Variants in PIK3C2G observed in about 807,000 individuals in gnomAD.
PIK3C2G encodes the protein phosphatidylinositol-4-phosphate 3-kinase catalytic subunit type 2 gamma.
Under a neutral mutation model 181.1 loss-of-function variants are expected in PIK3C2G, and 168 were observed. That is an observed-to-expected ratio of 0.93 (90% confidence interval 0.82 to 1.05). PIK3C2G has a LOEUF of 1.05. PIK3C2G is among the 50% of genes least tolerant of loss of function. The pLI is 0.00. For synonymous variants in PIK3C2G, 573 were observed against 592.2 expected (o/e 0.97, Z 0.47); for missense variants, 1,869 against 1,732.8 (o/e 1.08, Z -1.40).
chr12:18,260,621 AC>A (rs1326159487), upstream of PIK3C2G, among the ~76,000 whole-genome samples: 1 of 152,074 alleles, frequency 6.6e-6, no homozygotes, highest in Non-Finnish European at 1.5e-5. Context: ...TCTCTTCTCT[AC>A]CCTTCCATGT....
chr12:18,257,691 A>G (rs566565837), upstream of PIK3C2G, among the ~76,000 whole-genome samples: 2 of 151,228 alleles, frequency 1.3e-5, no homozygotes, highest in African/African-American at 4.9e-5. Flanking sequence ...AAAGAAGAAA[A>G]AAGAAAGAAG....
chr12:18,562,698 T>G lies in PIK3C2G; in HGVS notation c.3591-5T>G, dbSNP rs1225623186. 1 of 1,541,720 alleles carries G rather than the reference T, an allele frequency of 6.5e-7. No homozygotes were observed. Among genetic ancestry groups the G allele is most frequent in the East Asian group, 2.3e-5 (1 of 43,802 alleles). ...CTCACTATCTTTTCTTTTACATTTC[T>G]CTAGGAAAATAAAGGAAAGTCTGGA... On this transcript the variant is annotated splice_region_variant and splice_polypyrimidine_tract_variant and intron_variant, in intron 26 of 32. Coordinates refer to ENST00000538779, the MANE Select transcript of PIK3C2G (RefSeq NM_001288772.2).
chr12:18,434,990 GT>G (rs568859815), intron 18 of PIK3C2G, among the ~76,000 whole-genome samples: 6,706 of 143,918 alleles, frequency 0.047, 412 homozygotes, highest in African/African-American at 0.14. Flanking sequence ...TTGTAACCAG[GT>G]TTTTTTTTTT....
Position 18,648,276 on chromosome 12 carries a change from G to A in PIK3C2G, c.*248G>A, listed in dbSNP as rs1429482375. The A allele has an allele frequency of 1.2e-5, 3 of 260,830 alleles. No homozygotes were observed. Among genetic ancestry groups the A allele is most frequent in the Non-Finnish European group, 2.2e-5 (3 of 137,910 alleles). 16.2% of individuals were successfully genotyped at this position (260,830 alleles called of 1,614,324 possible). ...AAATTTGATGTGTAAAATAATAAAA[G>A]ACCTTTATTAAATCATTTTAATATA... On this transcript the variant is annotated 3_prime_UTR_variant, in exon 33 of 33. Transcript: ENST00000538779.
At chr12:18,336,541 T>G (rs1938554754) in intron 8 of PIK3C2G, among the ~76,000 whole-genome samples, 1 of 152,156 alleles carries the variant, frequency 6.6e-6, no homozygotes, top group South Asian at 2.1e-4. Context: ...ATGGAGAGCA[T>G]GTGTCTTTTG....
intron 13 of PIK3C2G, among the ~76,000 whole-genome samples, chr12:18,379,052 G>C (rs1344287349): frequency 1.3e-5 from 2 of 152,080 alleles, no homozygotes; most frequent in Non-Finnish European, 1.5e-5. Flanking sequence ...ATACTATAAA[G>C]ACACATGCAC....
At chr12:18,344,221 T>C (rs746706933) in intron 10 of PIK3C2G, among the ~76,000 whole-genome samples, 1 of 152,026 alleles carries the variant, frequency 6.6e-6, no homozygotes, top group African/African-American at 2.4e-5. Context: ...TTCAGAACAA[T>C]CCATTGGAAA....
chr12:18,261,395 T>C (rs951330504), upstream of PIK3C2G: 5 of 152,078 alleles, frequency 3.3e-5, no homozygotes, highest in African/African-American at 1.2e-4. Flanking sequence ...TTTTTCCATA[T>C]AACCCTTCAG....
chr12:18,305,899 G>A (rs1259429812), intron 5 of PIK3C2G, among the ~76,000 whole-genome samples: 1 of 150,802 alleles, frequency 6.6e-6, no homozygotes, highest in Non-Finnish European at 1.5e-5. Flanking sequence ...TATTTTTTGT[G>A]AAAGAAAGAA....
In PIK3C2G at chr12:18,640,625, A is replaced by G. The variant is rs138724138; in HGVS notation, c.4308+71A>G. ...CCATTTTTCAGCTTAACAACCAAAT[A>G]TGGAAAATTTGCAGTAATTGGCAGC... On this transcript the variant is annotated intron_variant, in intron 32 of 32. Transcript: ENST00000538779. 6.7e-5 allele frequency: 94 copies of G among 1,399,976 alleles called. No homozygotes were observed. The African/African-American group carries it at 1.2e-3, about 19-fold the overall frequency. The allele number at this position is 1,399,976 out of a possible 1,614,324, so 86.7% of individuals were successfully genotyped here.
rs34001401 is a variant in PIK3C2G, at chr12:18,469,915, C to CT, written c.2505-18520dup. Among the ~76,000 whole-genome samples the CT allele has an allele frequency of 2.8e-3, 391 of 141,870 alleles. 1 individual carries two copies. The highest frequency in any genetic ancestry group is 8.7e-3 in the African/African-American group (340 of 38,940). The allele number at this position is 141,870 out of a possible 152,430, so 93.1% of individuals were successfully genotyped here. A position where few individuals can be genotyped will look rare whatever the true frequency, so the allele number is the denominator to read the frequency against. ...AAACAAAATGCAGCCACCTGCTACT[C>CT]TTTTTTTTTTTTTTCATTTGGGTTT... On this transcript the variant is annotated intron_variant, in intron 18 of 32. Coordinates refer to ENST00000538779, the MANE Select transcript of PIK3C2G (RefSeq NM_001288772.2).
intron 18 of PIK3C2G, among the ~76,000 whole-genome samples, chr12:18,428,965 G>A (rs550967752): frequency 6.6e-6 from 1 of 152,164 alleles, no homozygotes; most frequent in Non-Finnish European, 1.5e-5. Context: ...CACTAGTCAA[G>A]TATTGAGTTG....
chr12:18,536,163 A>C (rs898086138), intron 24 of PIK3C2G, among the ~76,000 whole-genome samples: 8 of 152,120 alleles, frequency 5.3e-5, no homozygotes, highest in Admixed American at 5.2e-4. Context: ...GCAGCAAGAG[A>C]GGTTACATGG....
intron 13 of PIK3C2G, among the ~76,000 whole-genome samples, chr12:18,373,851 TAA>T (rs750744139): frequency 6.3e-5 from 9 of 142,290 alleles, no homozygotes; most frequent in African/African-American, 7.7e-5. Context: ...AGACTCCGTC[TAA>T]AAAAAAAAAA....
chr12:18,606,385 AC>A (rs1317997761), intron 30 of PIK3C2G, among the ~76,000 whole-genome samples: 1 of 152,146 alleles, frequency 6.6e-6, no homozygotes, highest in Non-Finnish European at 1.5e-5. Flanking sequence ...GCACCTTTAT[AC>A]CAAACATCTT....
intron 30 of PIK3C2G, among the ~76,000 whole-genome samples, chr12:18,601,579 T>C (rs190253196): frequency 6.6e-6 from 1 of 152,278 alleles, no homozygotes; most frequent in Admixed American, 6.5e-5. Flanking sequence ...AGGATGACTA[T>C]AGTTAATCAT....
intron 8 of PIK3C2G, among the ~76,000 whole-genome samples, chr12:18,337,673 G>C (rs1008873066): frequency 1.3e-5 from 2 of 152,088 alleles, no homozygotes; most frequent in African/African-American, 4.8e-5. Context: ...GATTTTGTGA[G>C]AACTCACTGA....
At chr12:18,445,074 C>T (rs1384019137) in intron 18 of PIK3C2G, among the ~76,000 whole-genome samples, 1 of 151,560 alleles carries the variant, frequency 6.6e-6, no homozygotes, top group East Asian at 1.9e-4. Flanking sequence ...GTTTGGATGG[C>T]CAGCTGAGGG....
At chr12:18,414,384 A>G (rs193270474) in intron 16 of PIK3C2G, among the ~76,000 whole-genome samples, 53 of 152,264 alleles carry the variant, frequency 3.5e-4, no homozygotes, top group African/African-American at 1.2e-3. Context: ...TGACACCTCC[A>G]TTCAGATATT....
Sources: allele counts gnomAD v4.1 joint callset (sites outside exome capture counted in the v4.1 genomes callset), GRCh38; gene constraint gnomAD v4.1.1; transcripts MANE v1.5; gene names NCBI Gene and HGNC (gene_info 2026-07-23, HGNC 2026-07-21).